SYNE1: variants seen among roughly 807,000 people sequenced by gnomAD.
The protein encoded by SYNE1 is spectrin repeat containing nuclear envelope protein 1.
SYNE1 carries 616 observed loss-of-function variants against 1,111.0 expected under a neutral mutation model. That is an observed-to-expected ratio of 0.55 (90% CI 0.52 to 0.59). SYNE1 has a LOEUF of 0.59. Ranked by LOEUF, SYNE1 falls within the 20% of genes least tolerant of loss-of-function variation. The pLI, the probability that SYNE1 is intolerant of heterozygous loss-of-function variation, is 0.00. For missense variants in SYNE1, 10,006 were observed against 10,417.0 expected, an observed-to-expected ratio of 0.96 and a Z score of 1.72; for synonymous variants, 3,855 against 3,825.8, an observed-to-expected ratio of 1.01 and a Z score of -0.28.
chr6:152,387,432 C>T (rs1441247812), intron 53 of SYNE1, 51 bp from the exon 54 acceptor site: 1 of 1,578,186 alleles, frequency 6.3e-7, no homozygotes, highest in Non-Finnish European at 8.7e-7. Context: ...GACATCTCTA[C>T]TGAAAACCAA....
At position 152,140,438 on chromosome 6, in the gene SYNE1, A is replaced by T. The variant is rs369687394; in HGVS notation, c.25247-277T>A. On this transcript the variant is annotated intron_variant, in intron 139 of 145. Transcript: ENST00000367255. ...TACGAAGTAATAAGCAGTCATGAGC[A>T]CGAACGATCGTTCAATTCTTGGATC... Among the ~76,000 whole-genome samples the T allele has an allele frequency of 6.1e-4, 93 of 152,328 alleles. No individual in the cohort carries two copies. The East Asian group carries it at 6.4e-3, about 10-fold the overall frequency.
intron 22 of SYNE1, among the ~76,000 whole-genome samples, chr6:152,457,986 A>C (rs1394107330): frequency 6.6e-6 from 1 of 150,878 alleles, no homozygotes; most frequent in East Asian, 1.9e-4. Flanking sequence ...ATACATATAA[A>C]ATTTATATAT....
At chr6:152,620,622 A>G (rs2099673332) in intron 3 of SYNE1, among the ~76,000 whole-genome samples, 1 of 152,044 alleles carries the variant, frequency 6.6e-6, no homozygotes, top group Non-Finnish European at 1.5e-5. Context: ...ATTCATCAAC[A>G]CATTGTTTTA....
At chr6:152,541,582 A>T (rs1388730884) in intron 3 of SYNE1, among the ~76,000 whole-genome samples, 2 of 151,930 alleles carry the variant, frequency 1.3e-5, no homozygotes, top group South Asian at 2.1e-4. Context: ...CCCTGCCTCT[A>T]CTAAAAATAC....
intron 5 of SYNE1, among the ~76,000 whole-genome samples, chr6:152,522,695 C>T (rs1271112180): frequency 6.6e-6 from 1 of 152,156 alleles, no homozygotes; most frequent in African/African-American, 2.4e-5. Flanking sequence ...GTTCCCTTTA[C>T]AACACTTCCA....
At chr6:152,267,945 G>T (rs546723391) in intron 100 of SYNE1, 111 bp downstream of exon 100, 768 of 921,970 alleles carry the variant, frequency 8.3e-4, no homozygotes, top group Non-Finnish European at 1.2e-3. Flanking sequence ...AAAATAAGAT[G>T]ACTAAATTTT....
chr6:152,605,422 C>A (rs768478712), intron 3 of SYNE1, among the ~76,000 whole-genome samples: 26 of 152,256 alleles, frequency 1.7e-4, no homozygotes, highest in Middle Eastern at 3.4e-3. Context: ...TACTGATTGT[C>A]CTTGAGATGT....
intron 55 of SYNE1, among the ~76,000 whole-genome samples, chr6:152,385,439 G>A (rs187344836): frequency 3.3e-5 from 5 of 152,228 alleles, no homozygotes; most frequent in South Asian, 2.1e-4. Context: ...GTCATATTAC[G>A]GCAACAAGCA....
rs896522595 is a variant in SYNE1 at position 152,198,682 on chromosome 6, G to A, written c.23145+3142C>T. Among the ~76,000 whole-genome samples the A allele has an allele frequency of 1.3e-4, 20 of 152,140 alleles. 2 individuals carry two copies. The highest frequency in any genetic ancestry group is 1.2e-3 in the Admixed American group (19 of 15,270). ...ATATTGTTGTGTCTCAGCAAATAAG[G>A]AGGCCAGAGGAGAAGGAGAGAGATT... On this transcript the variant is annotated intron_variant, in intron 127 of 145. Transcript: ENST00000367255.
chr6:152,509,252 T>C (rs544111986), intron 8 of SYNE1, among the ~76,000 whole-genome samples: 34 of 137,774 alleles, frequency 2.5e-4, no homozygotes, highest in African/African-American at 9.7e-4. Flanking sequence ...CTTTTTCTTT[T>C]TTTTTTTTTT....
At chr6:152,605,026 GAGAGAGAGA>G (rs2099609809) in intron 3 of SYNE1, among the ~76,000 whole-genome samples, 8 of 73,270 alleles carry the variant, frequency 1.1e-4, no homozygotes, top group East Asian at 4.3e-4. Flanking sequence ...GAGAGAGAGA[GAGAGAGAGA>G]GGGAGGGAGG....
chr6:152,284,325 A>G (rs1314495136), intron 95 of SYNE1, 153 bp from the exon 96 acceptor site: 51 of 823,944 alleles, frequency 6.2e-5, no homozygotes, highest in Non-Finnish European at 9.0e-5. Flanking sequence ...ACTCACCTAC[A>G]TTTCTAAATG....
intron 126 of SYNE1, 29 bp downstream of exon 126, chr6:152,206,139 T>C (rs1301804185): frequency 1.2e-5 from 20 of 1,610,418 alleles, no homozygotes; most frequent in Non-Finnish European, 1.7e-5. Context: ...AAAGGGTTTT[T>C]TGGTTCGTTT....
At chr6:152,369,199 G>A in intron 60 of SYNE1, 72 bp from the exon 61 acceptor site, 1 of 1,581,572 alleles carries the variant, frequency 6.3e-7, no homozygotes. Flanking sequence ...TTGGCCCAGA[G>A]AACATGGAAA....
In SYNE1 at chr6:152,239,719, A is replaced by G. The variant is rs776907697; in HGVS notation, c.19894-13T>C. ...CCTGAAAGTATTCCTGCAATTTTTC[A>G]GGAAGAAAGAAGTCAGCAACTCATT... is the stretch of plus-strand genomic sequence containing the variant. On this transcript the variant is annotated splice_polypyrimidine_tract_variant and intron_variant, in intron 107 of 145. Coordinates refer to ENST00000367255, the MANE Select transcript of SYNE1 (RefSeq NM_182961.4). The G allele has an allele frequency of 1.9e-6, 3 of 1,613,962 alleles. No individual in the cohort carries two copies. In the African/African-American group the frequency reaches 4.0e-5, roughly 22 times the overall value.
chr6:152,557,587 T>C (rs190296393), intron 3 of SYNE1, among the ~76,000 whole-genome samples: 1 of 152,106 alleles, frequency 6.6e-6, no homozygotes, highest in Non-Finnish European at 1.5e-5. Context: ...TTGTTATGTA[T>C]AAGGGAAACT....
chr6:152,557,540 A>G (rs1034857008), intron 3 of SYNE1, among the ~76,000 whole-genome samples: 1 of 152,186 alleles, frequency 6.6e-6, no homozygotes, highest in African/African-American at 2.4e-5. Context: ...CAAAAGTCAA[A>G]GACAAAAAAT....
chr6:152,484,904 T>C lies in SYNE1; in HGVS notation c.1116A>G (p.Leu372=). The C allele has an allele frequency of 6.2e-7, 1 of 1,613,874 alleles. No homozygotes were observed. The highest frequency in any genetic ancestry group is 1.1e-5 in the South Asian group (1 of 91,062). ...RKQIEHLIQP[L]HRDGKLSLDQ... is the part of the protein sequence containing the mutation. ...CAAGTGACAATTTACCGTCTCTGTG[T>C]AATGGTTGTATTAAATGTTCAATCT... Residue 372 remains leucine, a synonymous_variant, in exon 13 of 146, where the codon TTA becomes TTG. Coordinates refer to ENST00000367255, the MANE Select transcript of SYNE1 (RefSeq NM_182961.4).
chr6:152,546,611 C>T (rs1300519025), intron 3 of SYNE1: 1 of 152,110 alleles, frequency 6.6e-6, no homozygotes, highest in Non-Finnish European at 1.5e-5. Context: ...AGGATAGATT[C>T]TAAACCTCAA....
Sources: allele counts gnomAD v4.1 joint callset (sites outside exome capture counted in the v4.1 genomes callset), GRCh38; gene constraint gnomAD v4.1.1; transcripts MANE v1.5; gene names NCBI Gene and HGNC (gene_info 2026-07-23, HGNC 2026-07-21).